FBXO34: variants seen among roughly 807,000 people sequenced by gnomAD.
FBXO34 encodes the protein F-box only protein 34.
A neutral mutation model predicts 24.5 loss-of-function variants in FBXO34; 12 were observed. The ratio of observed to expected loss-of-function variants is 0.49; its 90% CI spans 0.31 to 0.79. The LOEUF (loss-of-function observed/expected upper bound fraction) is 0.79, where lower values mean the gene tolerates loss of function less well. Ranked by LOEUF, FBXO34 falls within the 30% of genes least tolerant of loss-of-function variation. FBXO34 has a pLI of 0.04. For synonymous variants in FBXO34, 320 were observed against 311.9 expected (o/e 1.03, Z -0.27); for missense variants, 823 against 857.7 (o/e 0.96, Z 0.51).
downstream of FBXO34, among the ~76,000 whole-genome samples, chr14:55,354,218 C>T (rs932368236): frequency 6.6e-6 from 1 of 152,202 alleles, no homozygotes; most frequent in Admixed American, 6.5e-5. Flanking sequence ...ATGACTCACC[C>T]AGGTGAGGCA....
intron 1 of FBXO34, chr14:55,339,403 T>G (rs1285658674): frequency 1.5e-5 from 2 of 135,962 alleles, no homozygotes; most frequent in African/African-American, 5.6e-5. Flanking sequence ...CCTGGATCTA[T>G]GCTAACCTGG....
the FBXO34 span, among the ~76,000 whole-genome samples, chr14:55,387,699 C>T: frequency 4.4e-3 from 675 of 152,196 alleles, 1 homozygote; most frequent in Non-Finnish European, 7.2e-3. Flanking sequence ...GACGGAGTTT[C>T]GCTCTTGTTG....
downstream of FBXO34, among the ~76,000 whole-genome samples, chr14:55,363,023 CTTTTT>C (rs398057110): frequency 7.6e-5 from 10 of 132,352 alleles, no homozygotes; most frequent in Admixed American, 7.0e-4. Flanking sequence ...TTCTCTCTCT[CTTTTT>C]TTTTTTTTTT....
At chr14:55,308,875 T>C (rs1387764576) in intron 1 of FBXO34, among the ~76,000 whole-genome samples, 9 of 152,222 alleles carry the variant, frequency 5.9e-5, no homozygotes, top group African/African-American at 2.2e-4. Context: ...GACTGAAATG[T>C]AGCATTTCTT....
At chr14:55,419,318 C>T in the FBXO34 span, among the ~76,000 whole-genome samples, 7 of 152,340 alleles carry the variant, frequency 4.6e-5, no homozygotes, top group South Asian at 2.1e-4. Flanking sequence ...TAACCAGACC[C>T]CATGTGAAAG....
At chr14:55,312,667 C>A (rs1882787578) in intron 1 of FBXO34, among the ~76,000 whole-genome samples, 1 of 152,248 alleles carries the variant, frequency 6.6e-6, no homozygotes, top group Non-Finnish European at 1.5e-5. Context: ...AGGCCCAACA[C>A]CATGTGTAAG....
At chr14:55,429,766 C>CAAAAAAAAAAAAAAA in the FBXO34 span, among the ~76,000 whole-genome samples, 2 of 52,396 alleles carry the variant, frequency 3.8e-5, no homozygotes, top group Non-Finnish European at 6.5e-5. Context: ...AACTCCGTCT[C>CAAAAAAAAAAAAAAA]AAAAAAAAAA....
chr14:55,296,391 G>GTTTTGT (rs1338074763), intron 1 of FBXO34, among the ~76,000 whole-genome samples: 30 of 64,750 alleles, frequency 4.6e-4, no homozygotes, highest in African/African-American at 1.2e-3. Context: ...TGTTTTTTTT[G>GTTTTGT]TTTTTTTTTT....
the FBXO34 span, among the ~76,000 whole-genome samples, chr14:55,407,222 G>A: frequency 2.6e-5 from 4 of 152,224 alleles, no homozygotes; most frequent in Admixed American, 6.5e-5. Flanking sequence ...TCCGCCTCCC[G>A]GGTTCAGGCA....
At chr14:55,309,776 T>G (rs1360852726) in intron 1 of FBXO34, among the ~76,000 whole-genome samples, 1 of 152,222 alleles carries the variant, frequency 6.6e-6, no homozygotes. Flanking sequence ...ATATTTGTAA[T>G]AATTAGAAAT....
the FBXO34 span, among the ~76,000 whole-genome samples, chr14:55,403,861 A>C: frequency 6.6e-6 from 1 of 152,250 alleles, no homozygotes; most frequent in East Asian, 1.9e-4. Flanking sequence ...TCAAAATTTC[A>C]AATGTCATAT....
chr14:55,351,354 C>G lies in FBXO34; in HGVS notation c.964C>G (p.Gln322Glu), dbSNP rs1594767864. ...CAGAGTATTGCTTGCAAATAGCACT[C>G]AGGCTGATGAAGGCAAAACAAAGAA... ...VGRVLLANST[Q>E]ADEGKTKKGV... The change falls in exon 2 of 2, where the codon CAG becomes GAG. Residue 322 changes from glutamine (Q) to glutamate (E), a missense_variant. Around this residue, in one of 2 missense-constraint regions of FBXO34, gnomAD observed 693 missense variants for 659.1 expected, o/e 1.05. Coordinates refer to ENST00000313833, the MANE Select transcript of FBXO34 (RefSeq NM_017943.4). 6.2e-7 allele frequency: 1 copy of G among 1,614,200 alleles called. No individual in the cohort carries two copies.
intron 1 of FBXO34, among the ~76,000 whole-genome samples, chr14:55,292,534 A>G (rs936175850): frequency 1.3e-5 from 2 of 151,322 alleles, no homozygotes; most frequent in East Asian, 3.9e-4. Flanking sequence ...TAATTTTTGT[A>G]TTTTTCTCAG....
At chr14:55,372,976 C>A (rs548808166), downstream of FBXO34, among the ~76,000 whole-genome samples, 1 of 152,220 alleles carries the variant, frequency 6.6e-6, no homozygotes, top group African/African-American at 2.4e-5. Flanking sequence ...TTCCAATGAT[C>A]AACCTACATT....
intron 1 of FBXO34, among the ~76,000 whole-genome samples, chr14:55,302,446 C>CTTTTTT (rs199946477): frequency 6.9e-5 from 9 of 129,660 alleles, no homozygotes; most frequent in Non-Finnish European, 1.5e-4. Flanking sequence ...TCTGTAGCCT[C>CTTTTTT]TTTTTTGTTT....
intron 1 of FBXO34, among the ~76,000 whole-genome samples, chr14:55,272,761 T>C (rs1313006637): frequency 2.0e-5 from 3 of 152,222 alleles, no homozygotes; most frequent in African/African-American, 7.2e-5. Context: ...GCTACCATGG[T>C]TTAGAAGTCA....
At chr14:55,311,394 TATC>T (rs546055350) in intron 1 of FBXO34, among the ~76,000 whole-genome samples, 6 of 152,180 alleles carry the variant, frequency 3.9e-5, no homozygotes, top group Non-Finnish European at 8.8e-5. Flanking sequence ...AGCCCAACCA[TATC>T]ATTGTTTTCC....
chr14:55,305,571 C>T (rs1414694780), intron 1 of FBXO34, among the ~76,000 whole-genome samples: 3 of 151,372 alleles, frequency 2.0e-5, no homozygotes, highest in African/African-American at 7.3e-5. Flanking sequence ...TAGTGCGTGT[C>T]TGTAGTCCCC....
intron 1 of FBXO34, chr14:55,339,627 G>A (rs1011564464): frequency 1.3e-5 from 2 of 152,118 alleles, no homozygotes; most frequent in African/African-American, 4.8e-5. Flanking sequence ...GGCTCTTGGT[G>A]CCCAATGATT....
Sources: allele counts gnomAD v4.1 joint callset (sites outside exome capture counted in the v4.1 genomes callset), GRCh38; gene constraint gnomAD v4.1.1; regional missense constraint gnomAD v4.1.1; transcripts MANE v1.5; gene names NCBI Gene and HGNC (gene_info 2026-07-23, HGNC 2026-07-21).